TTN: variants seen among roughly 807,000 people sequenced by gnomAD.
TTN encodes connectin.
A neutral mutation model predicts 3,223.0 loss-of-function variants in TTN; 1,525 were observed. That is an observed-to-expected ratio of 0.47 (90% confidence interval 0.45 to 0.49). TTN has a LOEUF of 0.49. Among genes scored for constraint, TTN ranks in the 20% least tolerant of loss-of-function variants. TTN has a pLI of 0.00. For missense variants in TTN, 40,786 were observed against 43,424.0 expected, an observed-to-expected ratio of 0.94 and a Z score of 5.40; for synonymous variants, 14,094 against 15,161.0, an observed-to-expected ratio of 0.93 and a Z score of 5.17.
chr2:178,787,249 T>C (rs1397198366), intron 13 of TTN, among the ~76,000 whole-genome samples: 1 of 152,082 alleles, frequency 6.6e-6, no homozygotes, highest in Non-Finnish European at 1.5e-5. Flanking sequence ...TGAGATGGAA[T>C]TGGGTCTTTA....
At chr2:178,743,558 A>AG (rs1491403200) in intron 47 of TTN, among the ~76,000 whole-genome samples, 1 of 151,936 alleles carries the variant, frequency 6.6e-6, no homozygotes, top group East Asian at 1.9e-4. Flanking sequence ...TATATGAATA[A>AG]GAGTGTTTTT....
rs1200619815 is a variant in TTN at position 178,724,319 on chromosome 2, G to C, written c.21056C>G (p.Thr7019Ser). ...CCCAACATTATTTTGAACCTGGAAA[G>C]TGTATGTGCCTGCATCTTGCCTTTC... ...SVERQDAGTY[T>S]FQVQNNVGKS... The change falls in exon 72 of 363, where the codon ACT (threonine) becomes AGT (serine). Residue 7019 changes from threonine to serine, a missense_variant. By Grantham distance (58) the Thr-to-Ser change is moderately conservative. Transcript: ENST00000589042. 1 of 1,613,574 alleles carries C rather than the reference G, an allele frequency of 6.2e-7. No individual in the cohort carries two copies. The highest frequency in any genetic ancestry group is 1.7e-5 in the Admixed American group (1 of 59,970).
intron 98 of TTN, 41 bp downstream of exon 98, chr2:178,710,594 T>A (rs1553887794): frequency 6.4e-7 from 1 of 1,574,332 alleles, no homozygotes; most frequent in Non-Finnish European, 8.6e-7. Flanking sequence ...TACTACAAAA[T>A]GATTACACTT....
chr2:178,777,948 C>T lies in TTN; in HGVS notation c.4236G>A (p.Arg1412=). The change falls in exon 25 of 363, where the codon AGG becomes AGA. Residue 1412 remains arginine, a synonymous_variant. Transcript: ENST00000589042. ...GTGCAGGAGACATGCGTATAGGAGACCTGCTCACTGAACGTGGAGAGAGAG... is the reference window on the plus strand; with the variant it reads ...GTGCAGGAGACATGCGTATAGGAGATCTGCTCACTGAACGTGGAGAGAGAG... The part of the protein sequence containing the change: ...IRSLSPRSVS[R]SPIRMSPARM... The T allele has an allele frequency of 6.2e-7, 1 of 1,613,936 alleles. No individual in the cohort carries two copies. The highest frequency in any genetic ancestry group is 8.5e-7 in the Non-Finnish European group (1 of 1,179,916).
chr2:178,727,833 C>T lies in TTN; in HGVS notation c.19745G>A (p.Arg6582Gln), dbSNP rs776051087. 45 of 1,598,568 alleles carry T rather than the reference C, an allele frequency of 2.8e-5. No homozygotes were observed. Among genetic ancestry groups the T allele is most frequent in the African/African-American group, 1.1e-4 (8 of 74,324 alleles). ...TGTAGAATCAGGTATGGCTTGCTGT[C>T]GCCCAGGTTTCACTAGGAAGCTTGG... ...EPPSFLVKPG[R>Q]QQAIPDSTVE... is the part of the protein sequence containing the mutation. The change falls in exon 68 of 363, where the codon CGA (arginine) becomes CAA (glutamine). Residue 6582 changes from arginine to glutamine, a missense_variant. By Grantham distance (43) the Arg-to-Gln change is conservative. Coordinates refer to ENST00000589042, the MANE Select transcript of TTN (RefSeq NM_001267550.2).
chr2:178,670,566 T>G (rs1017390195), intron 156 of TTN, among the ~76,000 whole-genome samples: 33 of 152,108 alleles, frequency 2.2e-4, no homozygotes, highest in African/African-American at 7.7e-4. Flanking sequence ...TGTTTGTTTT[T>G]GTGGAAGAGT....
Position 178,740,844 on chromosome 2 carries a change from T to A in TTN, c.12389A>T (p.Glu4130Val), listed in dbSNP as rs779643377. The change falls in exon 48 of 363, where the codon GAA (glutamate) becomes GTA (valine). Residue 4130 changes from glutamate to valine, a missense_variant. By Grantham distance (121) the Glu-to-Val change is moderately radical. Transcript: ENST00000589042. ...AATACTGCCATTGATGCAAAGAAAT[T>A]CCCTGGTGCTTTCAGGAGTGAGCTT... ...QDKLTPESTREFLCINGSIHF... is the reference protein window; with the variant it reads ...QDKLTPESTRVFLCINGSIHF... The A allele has an allele frequency of 6.2e-7, 1 of 1,613,856 alleles. No individual in the cohort carries two copies. The highest frequency in any genetic ancestry group is 1.1e-5 in the South Asian group (1 of 91,086).
Position 178,575,317 on chromosome 2 carries a change from C to T in TTN, c.70815G>A (p.Val23605=), listed in dbSNP as rs55847238. 2.9e-3 allele frequency: 4,708 copies of T among 1,613,518 alleles called. 12 individuals carry two copies. The highest frequency in any genetic ancestry group is 3.5e-3 in the Non-Finnish European group (4,096 of 1,179,650). ...TTCTCCCCGCGCTGTTCACTGCCAT[C>T]ACTTGGAAGGTATATTCCTCTCCTT... The part of the protein sequence containing the change: ...LTEGEEYTFQ[V]MAVNSAGRSA... The change falls in exon 326 of 363, where the codon GTG becomes GTA. Residue 23605 remains valine (V), a synonymous_variant. Coordinates refer to ENST00000589042, the MANE Select transcript of TTN (RefSeq NM_001267550.2). The surrounding 1 kb of genome is among the most constrained non-coding windows in gnomAD (Gnocchi z 4.0).
Position 178,582,438 on chromosome 2 carries a change from G to A in TTN, c.66018C>T (p.Val22006=), listed in dbSNP as rs752198421. ...AGCTGGTGATAGGCACAGTTGCAGA[G>A]ACTTGAGCCCAGTTGGGCCTGCTTG... is the stretch of plus-strand genomic sequence containing the variant. The part of the protein sequence containing the change: ...RETSRPNWAQ[V]SATVPITSCS... Residue 22006 remains valine, a synonymous_variant, in exon 314 of 363, where the codon GTC becomes GTT. Transcript: ENST00000589042. The A allele has an allele frequency of 6.2e-7, 1 of 1,612,992 alleles. No individual in the cohort carries two copies. The highest frequency in any genetic ancestry group is 8.5e-7 in the Non-Finnish European group (1 of 1,179,396).
At position 178,591,814 on chromosome 2, in the gene TTN, T is replaced by C. The variant is rs199512049; in HGVS notation, c.60005A>G (p.Asp20002Gly). 505 of 1,613,186 alleles carry C rather than the reference T, an allele frequency of 3.1e-4. 1 individual carries two copies. The highest frequency in any genetic ancestry group is 6.0e-5 in the Non-Finnish European group (71 of 1,179,584). The change falls in exon 303 of 363, where the codon GAT becomes GGT. Residue 20002 changes from aspartate (D) to glycine (G), a missense_variant. By Grantham distance (94) the Asp-to-Gly change is moderately conservative. Coordinates refer to ENST00000589042, the MANE Select transcript of TTN (RefSeq NM_001267550.2). Reference protein sequence around the residue: ...TEVSLVWNKPDRDGGSPITGY... With the variant: ...TEVSLVWNKPGRDGGSPITGY... ...AGTGATTGGAGAACCACCATCACGA[T>C]CCGGCTTATTCCAGACTAGGGAGAC...
At position 178,612,090 on chromosome 2, in the gene TTN, G is replaced by T; in HGVS notation, c.50321C>A (p.Pro16774Gln). ...TKRHVDLKWE[P>Q]PKNDGGRPIQ... is the part of the protein sequence containing the mutation. Reference sequence around the variant, plus strand: ...TGGTCTTCCACCATCATTTTTAGGTGGCTCCCACTTTAGGTCAACATGTCG... The same window carrying T: ...TGGTCTTCCACCATCATTTTTAGGTTGCTCCCACTTTAGGTCAACATGTCG... Residue 16774 changes from proline (P) to glutamine (Q), a missense_variant, in exon 267 of 363, where the codon CCA becomes CAA. Transcript: ENST00000589042. 3.7e-6 allele frequency: 6 copies of T among 1,611,776 alleles called. No individual in the cohort carries two copies. Among genetic ancestry groups the T allele is most frequent in the Non-Finnish European group, 5.1e-6 (6 of 1,178,876 alleles).
rs746975248 is a variant in TTN, at chr2:178,550,205, TAAG to T, written c.91630_91632del (p.Leu30544del). On this transcript the variant is annotated inframe_deletion, in exon 337 of 363. Transcript: ENST00000589042. ...CTTCCTTGTACCAAAGCTTTAATTC[TAAG>T]GCTCTCTCCGGACTTAATAATGAGA... The T allele has an allele frequency of 1.2e-6, 2 of 1,613,722 alleles. No individual in the cohort carries two copies. The highest frequency in any genetic ancestry group is 1.7e-6 in the Non-Finnish European group (2 of 1,179,704).
At position 178,588,901 on chromosome 2, in the gene TTN, T is replaced by G; in HGVS notation, c.62824A>C (p.Asn20942His). Residue 20942 changes from asparagine (N) to histidine (H), a missense_variant, in exon 304 of 363, where the codon AAT becomes CAT. Asn to His is a moderately conservative substitution (Grantham distance 68). Coordinates refer to ENST00000589042, the MANE Select transcript of TTN (RefSeq NM_001267550.2). ...GTTGGAGGCCCTGTGCCTATTTTAT[T>G]TTCTGCACGGACTCTGAAAATATAT... ...NEYIFRVRAENKIGTGPPTES... is the reference protein window; with the variant it reads ...NEYIFRVRAEHKIGTGPPTES... 1.2e-6 allele frequency: 2 copies of G among 1,613,142 alleles called. No individual in the cohort carries two copies. Among genetic ancestry groups the G allele is most frequent in the Non-Finnish European group, 1.7e-6 (2 of 1,179,538 alleles).
At chr2:178,669,946 G>A (rs1439508431) in intron 157 of TTN, among the ~76,000 whole-genome samples, 2 of 151,738 alleles carry the variant, frequency 1.3e-5, no homozygotes, top group Non-Finnish European at 2.9e-5. Flanking sequence ...TACTTCAGAA[G>A]AGCTTCCAAA....
At chr2:178,707,850 G>A (rs1429923967) in intron 99 of TTN, 37 bp from the exon 100 acceptor site, 18 of 1,529,916 alleles carry the variant, frequency 1.2e-5, no homozygotes, top group Admixed American at 4.3e-5. Context: ...GGAACATAAA[G>A]GCAAAAAAGT....
chr2:178,549,422 C>T lies in TTN; in HGVS notation c.92204G>A (p.Ser30735Asn), dbSNP rs1225964281. The change falls in exon 339 of 363, where the codon AGC becomes AAC. Residue 30735 changes from serine to asparagine, a missense_variant. Coordinates refer to ENST00000589042, the MANE Select transcript of TTN (RefSeq NM_001267550.2). Reference sequence around the variant, plus strand: ...TGGCCTTGCCCATGTCAGGGTAATGCTGTTGCCTGTTATGTTGCTAGGTTC... The same window carrying T: ...TGGCCTTGCCCATGTCAGGGTAATGTTGTTGCCTGTTATGTTGCTAGGTTC... Reference protein sequence around the residue: ...IPEPSNITGNSITLTWARPES... With the variant: ...IPEPSNITGNNITLTWARPES... 2 of 1,612,424 alleles carry T rather than the reference C, an allele frequency of 1.2e-6. No homozygotes were observed. The highest frequency in any genetic ancestry group is 1.7e-6 in the Non-Finnish European group (2 of 1,178,700).
At position 178,636,364 on chromosome 2, in the gene TTN, T is replaced by A. The variant is rs1186377866; in HGVS notation, c.41329+34A>T. 1 of 1,556,848 alleles carries A rather than the reference T, an allele frequency of 6.4e-7. No individual in the cohort carries two copies. Among genetic ancestry groups the A allele is most frequent in the African/African-American group, 1.4e-5 (1 of 72,776 alleles). ...TACTAAGGTTTGTTACATTAAAGTT[T>A]AATATAGATTATGTTCAGAAGACTA... On this transcript the variant is annotated intron_variant, in intron 225 of 362. Transcript: ENST00000589042. The surrounding 1 kb of genome is among the most constrained non-coding windows in gnomAD (Gnocchi z 4.3).
At chr2:178,640,157 G>T (rs1440779101) in intron 221 of TTN, 47 bp from the exon 222 acceptor site, 1 of 1,577,784 alleles carries the variant, frequency 6.3e-7, no homozygotes, top group Non-Finnish European at 8.6e-7. Flanking sequence ...GATTTTTGAA[G>T]TTTTTCACAA....
In TTN at chr2:178,770,065, A is replaced by G; in HGVS notation, c.8636T>C (p.Val2879Ala). Reference protein sequence around the residue: ...GQLECKAKLFVETLHITKTMK... With the variant: ...GQLECKAKLFAETLHITKTMK... ...GGGGGCTGCCTGATACTTACTCTCC[A>G]CAAACAGTTTTGCTTTGCATTCCAA... Residue 2879 changes from valine (V) to alanine (A), a missense_variant, in exon 36 of 363, where the codon GTG becomes GCG. Physicochemically the swap from Val to Ala is moderately conservative, Grantham distance 64. Coordinates refer to ENST00000589042, the MANE Select transcript of TTN (RefSeq NM_001267550.2). 1 of 1,614,182 alleles carries G rather than the reference A, an allele frequency of 6.2e-7. No homozygotes were observed. The highest frequency in any genetic ancestry group is 8.5e-7 in the Non-Finnish European group (1 of 1,180,012).
Sources: gnomAD v4.1 joint callset for allele counts (sites outside exome capture counted in the v4.1 genomes callset) on GRCh38, gnomAD v4.1.1 for gene constraint, Gnocchi (gnomAD v3.1) non-coding constraint, MANE v1.5 for transcripts, NCBI Gene and HGNC (gene_info 2026-07-23, HGNC 2026-07-21) for gene names.